Variants in DCDC1 observed in about 807,000 individuals in gnomAD.
DCDC1 encodes doublecortin domain-containing protein 1.
A neutral mutation model predicts 178.3 loss-of-function variants in DCDC1; 200 were observed. The observed-to-expected ratio is 1.12, with a 90% CI of 1.00 to 1.26. The LOEUF is 1.26. Among genes scored for constraint, DCDC1 ranks in the 50% most tolerant of loss-of-function variants. The probability of loss-of-function intolerance (pLI) is 0.00; values close to 1 mark genes in which losing one functional copy is unlikely to be tolerated. For synonymous variants in DCDC1, 690 were observed against 604.8 expected, an observed-to-expected ratio of 1.14 and a Z score of -2.07; for missense variants, 1,983 against 1,749.2, an observed-to-expected ratio of 1.13 and a Z score of -2.38.
At chr11:31,329,024 A>T (rs1452879485) in intron 2 of DCDC1, among the ~76,000 whole-genome samples, 1 of 113,300 alleles carries the variant, frequency 8.8e-6, no homozygotes, top group Non-Finnish European at 1.6e-5. Flanking sequence ...CCTGATTCTG[A>T]TGGGTCTGTC....
chr11:31,282,109 C>G (rs889028399), intron 7 of DCDC1, among the ~76,000 whole-genome samples: 1 of 151,958 alleles, frequency 6.6e-6, no homozygotes, highest in African/African-American at 2.4e-5. Context: ...GGAAGTTTTC[C>G]TGTTTTCTCT....
intron 9 of DCDC1, among the ~76,000 whole-genome samples, chr11:31,218,966 C>G (rs1437626646): frequency 6.6e-6 from 1 of 152,058 alleles, no homozygotes; most frequent in Non-Finnish European, 1.5e-5. Context: ...GAGGCTGATT[C>G]TCATGCATGG....
At chr11:31,123,077 A>G (rs1453373141) in intron 11 of DCDC1, among the ~76,000 whole-genome samples, 1 of 152,000 alleles carries the variant, frequency 6.6e-6, no homozygotes, top group Non-Finnish European at 1.5e-5. Flanking sequence ...TGTATTTACA[A>G]AAAAAAACAG....
intron 21 of DCDC1, among the ~76,000 whole-genome samples, chr11:30,949,699 T>C (rs1948292868): frequency 6.6e-6 from 1 of 152,108 alleles, no homozygotes; most frequent in Admixed American, 6.6e-5. Context: ...GTTTGTGTCC[T>C]TTGCAGGGAC....
In DCDC1 at chr11:31,022,112, C is replaced by T. The variant is rs139956160; in HGVS notation, c.2591+42357G>A. 5.8e-3 allele frequency among the ~76,000 whole-genome samples: 884 copies of T among 152,254 alleles called. 6 individuals are homozygous for T. The highest frequency in any genetic ancestry group is 0.02 in the African/African-American group (838 of 41,542). On this transcript the variant is annotated intron_variant, in intron 20 of 38. Transcript: ENST00000684477. The stretch of plus-strand genomic sequence containing the variant: ...CATTCAGAGCACAGTCTCATATCTT[C>T]CTAGAAGTTTAAAACAACAGAAATT...
chr11:31,090,630 T>A (rs1957768465), intron 17 of DCDC1, among the ~76,000 whole-genome samples: 1 of 152,176 alleles, frequency 6.6e-6, no homozygotes, highest in South Asian at 2.1e-4. Flanking sequence ...TCTTAATCAT[T>A]ACATGATATC....
intron 3 of DCDC1, among the ~76,000 whole-genome samples, chr11:31,325,602 G>C (rs944264239): frequency 2.0e-5 from 3 of 152,092 alleles, no homozygotes; most frequent in Non-Finnish European, 4.4e-5. Context: ...CAGAGGGAAG[G>C]ACAGTGGATA....
At chr11:30,922,364 A>G (rs1946307114) in intron 24 of DCDC1, 139 bp downstream of exon 24, 1 of 966,320 alleles carries the variant, frequency 1.0e-6, no homozygotes, top group African/African-American at 1.7e-5. Context: ...CAAACACATA[A>G]TTTAGTTTAA....
At chr11:31,000,573 A>C (rs1341169512) in intron 20 of DCDC1, among the ~76,000 whole-genome samples, 1 of 152,158 alleles carries the variant, frequency 6.6e-6, no homozygotes, top group African/African-American at 2.4e-5. Context: ...CAAGTCTCTA[A>C]GTGAGTCTCT....
intron 9 of DCDC1, among the ~76,000 whole-genome samples, chr11:31,153,034 G>C (rs773610683): frequency 1.3e-5 from 2 of 152,080 alleles, no homozygotes; most frequent in African/African-American, 2.4e-5. Context: ...TCTCAATACT[G>C]GGTCAAAAAA....
intron 17 of DCDC1, among the ~76,000 whole-genome samples, chr11:31,084,487 G>A (rs1311191133): frequency 6.6e-6 from 1 of 152,052 alleles, no homozygotes; most frequent in Admixed American, 6.6e-5. Flanking sequence ...GGTCCTTCCT[G>A]CTTTCTAAAA....
chr11:30,958,387 C>G (rs1198325493), intron 20 of DCDC1, among the ~76,000 whole-genome samples: 1 of 152,130 alleles, frequency 6.6e-6, no homozygotes, highest in African/African-American at 2.4e-5. Context: ...ATATATTGAC[C>G]TGATATCACA....
At chr11:31,212,516 G>A (rs372219536) in intron 9 of DCDC1, among the ~76,000 whole-genome samples, 35 of 152,224 alleles carry the variant, frequency 2.3e-4, no homozygotes, top group African/African-American at 7.0e-4. Flanking sequence ...ACTGGGCAAA[G>A]ATATGAATGG....
chr11:31,271,681 T>C (rs1945562381), intron 7 of DCDC1, among the ~76,000 whole-genome samples: 1 of 152,218 alleles, frequency 6.6e-6, no homozygotes, highest in Non-Finnish European at 1.5e-5. Context: ...TCCATTATCA[T>C]GCTGCTGATA....
rs756883109 is a variant in DCDC1, at chr11:30,905,165, C to T, written c.4105-1G>A. The T allele has an allele frequency of 7.6e-6, 12 of 1,570,678 alleles. No individual in the cohort carries two copies. Among genetic ancestry groups the T allele is most frequent in the Non-Finnish European group, 8.6e-6 (10 of 1,156,272 alleles). Reference sequence around the variant, plus strand: ...CAGCCTTGTCACACGACAAATCAACCTAATTTTTTAAAAAATAAATTGTAC... The same window carrying T: ...CAGCCTTGTCACACGACAAATCAACTTAATTTTTTAAAAAATAAATTGTAC... On this transcript the variant is annotated splice_acceptor_variant, in intron 30 of 38. Transcript: ENST00000684477. LOFTEE classifies it high-confidence loss of function.
chr11:31,039,863 A>G (rs1331212466), intron 20 of DCDC1, among the ~76,000 whole-genome samples: 1 of 152,228 alleles, frequency 6.6e-6, no homozygotes, highest in Admixed American at 6.5e-5. Context: ...TTAAACTAAT[A>G]AAATAAAAGG....
At chr11:31,198,322 A>T (rs988833506) in intron 9 of DCDC1, among the ~76,000 whole-genome samples, 1 of 152,060 alleles carries the variant, frequency 6.6e-6, no homozygotes, top group African/African-American at 2.4e-5. Flanking sequence ...AACTTTAGTG[A>T]TCATGGGACT....
chr11:31,335,875 A>C (rs1950247201), intron 1 of DCDC1, among the ~76,000 whole-genome samples: 1 of 152,166 alleles, frequency 6.6e-6, no homozygotes, highest in Admixed American at 6.5e-5. Context: ...GGAGTCCCAA[A>C]TTAAGATTAT....
chr11:31,273,800 T>A (rs1460884283), intron 7 of DCDC1, among the ~76,000 whole-genome samples: 4 of 152,162 alleles, frequency 2.6e-5, no homozygotes. Context: ...AGAAAGAGGT[T>A]TAGTGGACTT....
Sources: allele counts gnomAD v4.1 joint callset (sites outside exome capture counted in the v4.1 genomes callset), GRCh38; gene constraint gnomAD v4.1.1; transcripts MANE v1.5; gene names NCBI Gene and HGNC (gene_info 2026-07-23, HGNC 2026-07-21).